Variants in TTN observed in about 807,000 individuals in gnomAD.
TTN encodes the protein titin.
In TTN, 1,525 loss-of-function variants were observed where a neutral mutation model predicts 3,223.0. That is an observed-to-expected ratio of 0.47 (90% CI 0.45 to 0.49). The LOEUF (loss-of-function observed/expected upper bound fraction) is 0.49. TTN is among the 20% of genes least tolerant of loss of function. The pLI is 0.00. For missense variants in TTN, 40,786 were observed against 43,424.0 expected (o/e 0.94, Z 5.40); for synonymous variants, 14,094 against 15,161.0 (o/e 0.93, Z 5.17).
In TTN at chr2:178,685,709, GC is replaced by G. The variant is rs2070680286; in HGVS notation, c.32312-112del. On this transcript the variant is annotated intron_variant, in intron 127 of 362. Coordinates refer to ENST00000589042, the MANE Select transcript of TTN (RefSeq NM_001267550.2). Reference sequence around the variant, plus strand: ...TCAAAATAGCAAAAGTTTAACCCTTGCCAAACCCCTGCTTGTTCCTATTTAA... The same window carrying G: ...TCAAAATAGCAAAAGTTTAACCCTTGCAAACCCCTGCTTGTTCCTATTTAA... The G allele has an allele frequency of 6.1e-6, 6 of 981,442 alleles. No individual in the cohort carries two copies. The South Asian group carries it at 1.0e-4, about 17-fold the overall frequency. The allele number at this position is 981,442 out of a possible 1,614,324, so 60.8% of individuals were successfully genotyped here.
At chr2:178,786,266 A>G in intron 13 of TTN, 125 bp from the exon 14 acceptor site, 2 of 996,288 alleles carry the variant, frequency 2.0e-6, no homozygotes, top group Non-Finnish European at 3.0e-6. Context: ...CTAGAAATGT[A>G]TCTCAGAAAC....
At position 178,731,317 on chromosome 2, in the gene TTN, G is replaced by A; in HGVS notation, c.17449C>T (p.Leu5817Phe). 1 of 1,613,714 alleles carries A rather than the reference G, an allele frequency of 6.2e-7. No homozygotes were observed. The highest frequency in any genetic ancestry group is 8.5e-7 in the Non-Finnish European group (1 of 1,179,732). The change falls in exon 59 of 363, where the codon CTC becomes TTC. Residue 5817 changes from leucine to phenylalanine, a missense_variant. Leu to Phe is a conservative substitution (Grantham distance 22, BLOSUM62 0). Coordinates refer to ENST00000589042, the MANE Select transcript of TTN (RefSeq NM_001267550.2). ...DAGIQRCSAL[L>F]SVKEPATITE... is the part of the protein sequence containing the mutation. ...GTTCTGAACCAACCTTTTACTGAGA[G>A]TAATGCAGAACATCTTTGTATTCCT...
Position 178,728,314 on chromosome 2 carries a change from C to A in TTN, c.19510G>T (p.Val6504Leu), listed in dbSNP as rs762156103. The change falls in exon 67 of 363, where the codon GTG (valine) becomes TTG (leucine). Residue 6504 changes from valine to leucine, a missense_variant. Coordinates refer to ENST00000589042, the MANE Select transcript of TTN (RefSeq NM_001267550.2). ...LGSSIHMECK[V>L]SGSLPISAQW... ...GCACTAATGGGAAGTGAACCAGACA[C>A]CTTGCACTCCATATGAATAGAAGAG... is the stretch of plus-strand genomic sequence containing the variant. 3 of 1,613,044 alleles carry A rather than the reference C, an allele frequency of 1.9e-6. No individual in the cohort carries two copies. The highest frequency in any genetic ancestry group is 2.5e-6 in the Non-Finnish European group (3 of 1,179,500).
At position 178,777,891 on chromosome 2, in the gene TTN, C is replaced by G; in HGVS notation, c.4293G>C (p.Arg1431=). The change falls in exon 25 of 363, where the codon CGG becomes CGC. Residue 1431 remains arginine (R), a synonymous_variant. Transcript: ENST00000589042. The stretch of plus-strand genomic sequence containing the variant: ...CAGGGGACATTCTTGCAGGGGACAT[C>G]CGTGCAGGAGACATCCTTGCAGGTG... The part of the protein sequence containing the change: ...RMSPARMSPA[R]MSPARMSPGR... 6.2e-7 allele frequency: 1 copy of G among 1,613,852 alleles called. No homozygotes were observed.
rs869312037 is a variant in TTN, at chr2:178,770,483, GCA to G, written c.8307_8308del (p.Ala2770HisfsTer4). 1.2e-6 allele frequency: 2 copies of G among 1,614,008 alleles called. No homozygotes were observed. The highest frequency in any genetic ancestry group is 1.7e-6 in the Non-Finnish European group (2 of 1,180,024). ...GCCATAAACAGACTCATCCACGATGGCACAGTTTTTAATCCTCAGAGAGTAAA... is the reference window on the plus strand; with the variant it reads ...GCCATAAACAGACTCATCCACGATGGCAGTTTTTAATCCTCAGAGAGTAAA... On this transcript the variant is annotated frameshift_variant, in exon 35 of 363. Coordinates refer to ENST00000589042, the MANE Select transcript of TTN (RefSeq NM_001267550.2). LOFTEE classifies it high-confidence loss of function.
At chr2:178,746,169 C>T (rs550191605) in intron 47 of TTN, 2 of 1,613,264 alleles carry the variant, frequency 1.2e-6, no homozygotes, top group African/African-American at 2.7e-5. Context: ...TACCACTTAA[C>T]TTCGGGAGTC....
intron 125 of TTN, 28 bp from the exon 126 acceptor site, chr2:178,688,806 T>C (rs1382548222): frequency 1.3e-6 from 2 of 1,540,938 alleles, no homozygotes; most frequent in African/African-American, 2.7e-5. Context: ...AGTTGAAGTT[T>C]AAAATCAAGA....
intron 20 of TTN, 101 bp from the exon 21 acceptor site, chr2:178,781,364 A>G: frequency 7.5e-7 from 1 of 1,340,650 alleles, no homozygotes; most frequent in Non-Finnish European, 1.0e-6. Flanking sequence ...TATAAAATTC[A>G]ATGACCCTAA....
chr2:178,723,874 C>T lies in TTN; in HGVS notation c.21385G>A (p.Ala7129Thr). 2.5e-6 allele frequency: 4 copies of T among 1,611,306 alleles called. No homozygotes were observed. The highest frequency in any genetic ancestry group is 1.1e-5 in the South Asian group (1 of 90,750). Residue 7129 changes from alanine to threonine, a missense_variant, in exon 73 of 363, where the codon GCA becomes ACA. Transcript: ENST00000589042. ...ANVAGSDECR[A>T]VLTVQEPPSF... Reference sequence around the variant, plus strand: ...TACTGACCTTGTACAGTTAGCACTGCACGACATTCATCAGACCCAGCGACA... The same window carrying T: ...TACTGACCTTGTACAGTTAGCACTGTACGACATTCATCAGACCCAGCGACA...
At chr2:178,799,285 C>T in intron 6 of TTN, 1 of 744,046 alleles carries the variant, frequency 1.3e-6, no homozygotes, top group East Asian at 2.9e-5. Flanking sequence ...GGCAGACACA[C>T]AAGCGGCTGG....
chr2:178,651,614 TG>T, intron 206 of TTN, 51 bp downstream of exon 206: 1 of 1,612,118 alleles, frequency 6.2e-7, no homozygotes, highest in Non-Finnish European at 8.5e-7. Context: ...CAGTAGAATA[TG>T]ACACTTCAAA....
At position 178,601,088 on chromosome 2, in the gene TTN, C is replaced by T; in HGVS notation, c.55816G>A (p.Asp18606Asn). The part of the protein sequence containing the change: ...VHLSWKPPKN[D>N]GGSPVTHYIV... ...TAGTGGGTAACAGGGGAGCCCCCATCATTCTTCGGGGGTTTCCATGACAGA... is the reference window on the plus strand; with the variant it reads ...TAGTGGGTAACAGGGGAGCCCCCATTATTCTTCGGGGGTTTCCATGACAGA... Residue 18606 changes from aspartate (D) to asparagine (N), a missense_variant, in exon 288 of 363, where the codon GAT becomes AAT. Transcript: ENST00000589042. The T allele has an allele frequency of 1.2e-6, 2 of 1,606,748 alleles. No individual in the cohort carries two copies. Among genetic ancestry groups the T allele is most frequent in the Non-Finnish European group, 1.7e-6 (2 of 1,176,078 alleles).
chr2:178,777,847 G>T lies in TTN; in HGVS notation c.4337C>A (p.Thr1446Lys), dbSNP rs879232192. Residue 1446 changes from threonine (T) to lysine (K), a missense_variant, in exon 25 of 363, where the codon ACA becomes AAA. Transcript: ENST00000589042. Reference sequence around the variant, plus strand: ...TAGTCTCTCAAGTTGTGACTCATCTGTCTCCTCCAGCCTACGTCCAGGGGA... The same window carrying T: ...TAGTCTCTCAAGTTGTGACTCATCTTTCTCCTCCAGCCTACGTCCAGGGGA... ...RMSPGRRLEE[T>K]DESQLERLYK... 1.9e-6 allele frequency: 3 copies of T among 1,613,910 alleles called. No individual in the cohort carries two copies. The African/African-American group carries it at 4.0e-5, about 22-fold the overall frequency.
At chr2:178,750,373 CTGA>C (rs1561023427) in intron 47 of TTN, 4 of 1,613,060 alleles carry the variant, frequency 2.5e-6, no homozygotes, top group Non-Finnish European at 3.4e-6. Context: ...AACCTTCATT[CTGA>C]TGATGAACAG....
chr2:178,602,240 A>G, intron 283 of TTN, 42 bp downstream of exon 283: 4 of 1,595,434 alleles, frequency 2.5e-6, no homozygotes, highest in Non-Finnish European at 3.4e-6. Flanking sequence ...ATTTCATAAT[A>G]AGATCAAAAG....
intron 88 of TTN, among the ~76,000 whole-genome samples, chr2:178,716,437 G>A (rs1299225988): frequency 6.6e-6 from 1 of 152,060 alleles, no homozygotes; most frequent in Non-Finnish European, 1.5e-5. Context: ...TTAATTTCAA[G>A]ATATTTATAA....
At chr2:178,674,669 C>A (rs1274172833) in intron 150 of TTN, among the ~76,000 whole-genome samples, 1 of 150,944 alleles carries the variant, frequency 6.6e-6, no homozygotes, top group Non-Finnish European at 1.5e-5. Context: ...AGTCAAACAG[C>A]CACTTGGGGT....
In TTN at chr2:178,632,339, C is replaced by A; in HGVS notation, c.43555G>T (p.Glu14519Ter). Reference protein sequence around the residue: ...KEKESAVFTVELSHDNIRVKW... With the variant: ...KEKESAVFTV ...ACTCGGATGTTATCATGAGATAACT[C>A]CACAGTAAATACAGCACTTTCCTTC... Residue 14519 changes from glutamate to a stop codon, truncating the protein, a stop_gained, in exon 236 of 363, where the codon GAG becomes TAG. Coordinates refer to ENST00000589042, the MANE Select transcript of TTN (RefSeq NM_001267550.2). LOFTEE classifies it high-confidence loss of function. 6.2e-7 allele frequency: 1 copy of A among 1,605,954 alleles called. No individual in the cohort carries two copies. The highest frequency in any genetic ancestry group is 8.5e-7 in the Non-Finnish European group (1 of 1,175,952).
rs148937709 is a variant in TTN at position 178,603,508 on chromosome 2, A to G, written c.54811+368T>C. Among the ~76,000 whole-genome samples the G allele has an allele frequency of 2.5e-3, 373 of 152,126 alleles. 6 individuals carry two copies. The highest frequency in any genetic ancestry group is 8.4e-3 in the African/African-American group (350 of 41,578). On this transcript the variant is annotated intron_variant, in intron 282 of 362. Transcript: ENST00000589042. ...TGTTTTTTGTTGAATTCCTACTGGA[A>G]GGTCTGACTGTTTAGTGGGAGAGAT...
Sources: gnomAD v4.1 joint callset for allele counts (sites outside exome capture counted in the v4.1 genomes callset) on GRCh38, gnomAD v4.1.1 for gene constraint, MANE v1.5 for transcripts, NCBI Gene and HGNC (gene_info 2026-07-23, HGNC 2026-07-21) for gene names.